Variants in SDK1 observed in about 807,000 individuals in gnomAD.
SDK1 encodes the protein sidekick cell adhesion molecule 1.
SDK1 carries 157 observed loss-of-function variants against 245.5 expected under a neutral mutation model. The observed-to-expected ratio is 0.64, with a 90% CI of 0.56 to 0.73. SDK1 has a LOEUF of 0.73. SDK1 is among the 30% of genes least tolerant of loss of function. The pLI, the probability that SDK1 is intolerant of heterozygous loss-of-function variation, is 0.00. For synonymous variants in SDK1, 1,647 were observed against 1,278.5 expected, an observed-to-expected ratio of 1.29 and a Z score of -6.15; for missense variants, 3,583 against 3,002.3, an observed-to-expected ratio of 1.19 and a Z score of -4.52.
chr7:3,503,359 A>C (rs1347494193), intron 1 of SDK1, among the ~76,000 whole-genome samples: 3 of 152,160 alleles, frequency 2.0e-5, no homozygotes. Flanking sequence ...GACACCTTAC[A>C]CAACTGTGAA....
intron 14 of SDK1, among the ~76,000 whole-genome samples, chr7:3,991,927 G>C (rs937479290): frequency 6.6e-6 from 1 of 152,218 alleles, no homozygotes; most frequent in Non-Finnish European, 1.5e-5. Context: ...GAACATGCTG[G>C]CTAATTAGAG....
At chr7:4,058,031 T>G (rs1285568355) in intron 19 of SDK1, among the ~76,000 whole-genome samples, 1 of 151,960 alleles carries the variant, frequency 6.6e-6, no homozygotes, top group African/African-American at 2.4e-5. Flanking sequence ...CAAAGGAACA[T>G]GGTAATTCTC....
chr7:3,685,270 C>T (rs893189614), intron 4 of SDK1, among the ~76,000 whole-genome samples: 6 of 150,044 alleles, frequency 4.0e-5, no homozygotes, highest in Non-Finnish European at 8.9e-5. Flanking sequence ...AAAATGACAG[C>T]AGTCATTCGA....
At chr7:4,198,711 AC>A (rs1456091539) in intron 35 of SDK1, among the ~76,000 whole-genome samples, 2 of 151,780 alleles carry the variant, frequency 1.3e-5, no homozygotes, top group African/African-American at 4.8e-5. Flanking sequence ...AGCAGCTTGG[AC>A]CTTAGGGTTA....
rs540080091 is a variant in SDK1 at position 3,560,046 on chromosome 7, A to G, written c.299-59034A>G. Among the ~76,000 whole-genome samples, 14 of 152,384 alleles carry G rather than the reference A, an allele frequency of 9.2e-5. No individual in the cohort carries two copies. The South Asian group carries it at 1.0e-3, about 11-fold the overall frequency. On this transcript the variant is annotated intron_variant, in intron 1 of 44. Transcript: ENST00000404826. ...AGGAGATAGCTCAAAGCAACCTGTC[A>G]TGAGCACATTTCTTTGAAGCCTGGT...
chr7:3,930,751 C>G (rs867241170), intron 5 of SDK1, among the ~76,000 whole-genome samples: 2 of 152,066 alleles, frequency 1.3e-5, no homozygotes, highest in African/African-American at 2.4e-5. Flanking sequence ...TGAGATCGCA[C>G]CACTTCACTC....
chr7:3,940,595 C>T (rs899538089), intron 5 of SDK1, among the ~76,000 whole-genome samples: 32 of 152,074 alleles, frequency 2.1e-4, no homozygotes, highest in African/African-American at 7.5e-4. Flanking sequence ...GTAATCCCAG[C>T]ACTTTGGGAG....
chr7:3,466,595 A>T (rs982221665), intron 1 of SDK1, among the ~76,000 whole-genome samples: 2 of 151,064 alleles, frequency 1.3e-5, no homozygotes, highest in East Asian at 3.9e-4. Context: ...ATATGAGGAT[A>T]TCTGTTTTTT....
At position 3,319,116 on chromosome 7, in the gene SDK1, G is replaced by A. The variant is rs149807402; in HGVS notation, c.298+17232G>A. On this transcript the variant is annotated intron_variant, in intron 1 of 44. Transcript: ENST00000404826. ...GACAACTCTGGCAGTGGGGCCTCAC[G>A]GAGAATGAATGATATGCAGGGTGTG... Among the ~76,000 whole-genome samples, 676 of 152,244 alleles carry A rather than the reference G, an allele frequency of 4.4e-3. 6 individuals carry two copies. The highest frequency in any genetic ancestry group is 0.015 in the African/African-American group (609 of 41,538).
chr7:3,474,901 A>G (rs1017411028), intron 1 of SDK1, among the ~76,000 whole-genome samples: 4 of 152,084 alleles, frequency 2.6e-5, no homozygotes, highest in African/African-American at 9.7e-5. Flanking sequence ...TATGTTGTCC[A>G]AGCTGGTATT....
intron 1 of SDK1, among the ~76,000 whole-genome samples, chr7:3,597,086 C>T (rs758729537): frequency 1.1e-4 from 17 of 151,772 alleles, no homozygotes; most frequent in East Asian, 1.9e-4. Context: ...CTGGCTAACA[C>T]GGTGAAACCC....
chr7:4,229,404 C>T (rs918625269), intron 40 of SDK1, among the ~76,000 whole-genome samples: 3 of 152,036 alleles, frequency 2.0e-5, no homozygotes, highest in African/African-American at 7.2e-5. Context: ...TATGACATTC[C>T]CCCTCACCCA....
intron 5 of SDK1, among the ~76,000 whole-genome samples, chr7:3,922,267 G>A (rs961649547): frequency 2.6e-5 from 4 of 152,178 alleles, no homozygotes; most frequent in African/African-American, 9.7e-5. Flanking sequence ...CTGGGGGCTG[G>A]GAGCAGGATT....
At chr7:3,946,930 C>G (rs541897127) in intron 5 of SDK1, among the ~76,000 whole-genome samples, 9 of 152,310 alleles carry the variant, frequency 5.9e-5, no homozygotes, top group Middle Eastern at 3.4e-3. Flanking sequence ...GTGCTTTTCT[C>G]TATTTAGCCC....
intron 5 of SDK1, among the ~76,000 whole-genome samples, chr7:3,847,090 C>G (rs1482137693): frequency 6.6e-6 from 1 of 151,426 alleles, no homozygotes; most frequent in African/African-American, 2.4e-5. Flanking sequence ...AAGCATTGTT[C>G]TTGTGGAGAG....
chr7:3,914,658 C>G (rs1207954982), intron 5 of SDK1, among the ~76,000 whole-genome samples: 1 of 152,100 alleles, frequency 6.6e-6, no homozygotes, highest in Admixed American at 6.5e-5. Context: ...TGATTTTTTG[C>G]TTGAGGACAG....
chr7:3,693,752 T>C (rs1240916672), intron 4 of SDK1, among the ~76,000 whole-genome samples: 2 of 152,220 alleles, frequency 1.3e-5, no homozygotes, highest in Non-Finnish European at 2.9e-5. Context: ...GGGAATCTAT[T>C]GTTATAGCCT....
At chr7:4,049,954 C>A (rs1789318364) in intron 18 of SDK1, among the ~76,000 whole-genome samples, 1 of 152,180 alleles carries the variant, frequency 6.6e-6, no homozygotes, top group African/African-American at 2.4e-5. Context: ...GAATTAGACA[C>A]ATAGACAAAT....
At chr7:3,438,348 A>C (rs954312734) in intron 1 of SDK1, among the ~76,000 whole-genome samples, 4 of 152,244 alleles carry the variant, frequency 2.6e-5, no homozygotes, top group African/African-American at 9.6e-5. Flanking sequence ...GAAGACAGAG[A>C]AAATAGAATA....
Sources: gnomAD v4.1 joint callset for allele counts (sites outside exome capture counted in the v4.1 genomes callset) on GRCh38, gnomAD v4.1.1 for gene constraint, MANE v1.5 for transcripts, NCBI Gene and HGNC (gene_info 2026-07-23, HGNC 2026-07-21) for gene names.